The following PRELID2 variants were observed in gnomAD, a reference collection of about 807,000 sequenced individuals.
PRELID2 encodes PRELI domain-containing protein 2.
Under a neutral mutation model 28.4 loss-of-function variants are expected in PRELID2, and 25 were observed. That is an observed-to-expected ratio of 0.88 (90% CI 0.64 to 1.23). PRELID2 has a LOEUF of 1.23. PRELID2 is among the 50% of genes most tolerant of loss of function. PRELID2 has a pLI of 0.00. For synonymous variants in PRELID2, 76 were observed against 71.6 expected (o/e 1.06, Z -0.31); for missense variants, 201 against 214.4 (o/e 0.94, Z 0.39).
At chr5:145,596,572 T>G (rs1477281358) in intron 1 of PRELID2, among the ~76,000 whole-genome samples, 1 of 152,158 alleles carries the variant, frequency 6.6e-6, no homozygotes, top group African/African-American at 2.4e-5. Flanking sequence ...CATCAAACTC[T>G]AAGACCAAGC....
intron 1 of PRELID2, among the ~76,000 whole-genome samples, chr5:145,726,215 A>AG: frequency 8.2e-6 from 1 of 121,222 alleles, no homozygotes; most frequent in African/African-American, 3.5e-5. Flanking sequence ...GAAAGAGAGA[A>AG]GAAAGGAAGG....
intron 1 of PRELID2, among the ~76,000 whole-genome samples, chr5:145,687,830 C>A (rs1432400778): frequency 2.6e-5 from 4 of 152,174 alleles, no homozygotes; most frequent in Non-Finnish European, 4.4e-5. Flanking sequence ...TCAATTACCT[C>A]ATTTAAATAA....
intron 1 of PRELID2, among the ~76,000 whole-genome samples, chr5:145,662,222 A>G (rs1449648795): frequency 6.6e-6 from 1 of 152,108 alleles, no homozygotes; most frequent in African/African-American, 2.4e-5. Context: ...GTTCTTTGGC[A>G]ACAAGTAAAG....
At chr5:145,301,196 A>G in the PRELID2 span, among the ~76,000 whole-genome samples, 1 of 152,058 alleles carries the variant, frequency 6.6e-6, no homozygotes, top group South Asian at 2.1e-4. Flanking sequence ...CCTGACTATA[A>G]AATTGTGTAA....
At chr5:145,415,388 C>T in the PRELID2 span, among the ~76,000 whole-genome samples, 1 of 151,362 alleles carries the variant, frequency 6.6e-6, no homozygotes, top group Non-Finnish European at 1.5e-5. Flanking sequence ...CCCATTAACC[C>T]ATCATTTAGC....
intron 5 of PRELID2, among the ~76,000 whole-genome samples, chr5:145,767,654 C>T (rs370782636): frequency 1.3e-5 from 2 of 152,296 alleles, no homozygotes; most frequent in African/African-American, 4.8e-5. Context: ...CTGGCATCTG[C>T]ATCTGCTCAC....
chr5:145,750,389 C>T (rs1468045120), intron 1 of PRELID2, among the ~76,000 whole-genome samples: 1 of 152,004 alleles, frequency 6.6e-6, no homozygotes, highest in African/African-American at 2.4e-5. Context: ...AGCTAGTACA[C>T]AGCACTTCCA....
chr5:145,375,777 T>C, the PRELID2 span, among the ~76,000 whole-genome samples: 1 of 152,206 alleles, frequency 6.6e-6, no homozygotes, highest in Admixed American at 6.5e-5. Context: ...GCTGGTTTGG[T>C]GGGCTGTTGG....
At chr5:145,613,751 G>A (rs1753656388) in intron 1 of PRELID2, among the ~76,000 whole-genome samples, 1 of 152,010 alleles carries the variant, frequency 6.6e-6, no homozygotes, top group Non-Finnish European at 1.5e-5. Context: ...ATATTATAAA[G>A]ATTTTCTCCC....
At chr5:145,628,570 C>A (rs976842478) in intron 1 of PRELID2, among the ~76,000 whole-genome samples, 7 of 152,152 alleles carry the variant, frequency 4.6e-5, no homozygotes, top group African/African-American at 1.7e-4. Flanking sequence ...GCGATCCACC[C>A]ATCTCAGCCT....
intron 1 of PRELID2, among the ~76,000 whole-genome samples, chr5:145,543,143 T>C (rs958223742): frequency 6.6e-6 from 1 of 152,126 alleles, no homozygotes; most frequent in Non-Finnish European, 1.5e-5. Flanking sequence ...ACAACATGTA[T>C]CCCATTTGAA....
the PRELID2 span, among the ~76,000 whole-genome samples, chr5:145,282,396 G>A: frequency 2.6e-5 from 4 of 152,102 alleles, no homozygotes; most frequent in Non-Finnish European, 5.9e-5. Context: ...TTATTATCAA[G>A]TGTGAAATAT....
At chr5:145,327,312 ATATT>A in the PRELID2 span, among the ~76,000 whole-genome samples, 499 of 152,152 alleles carry the variant, frequency 3.3e-3, 23 homozygotes, top group East Asian at 0.079. Flanking sequence ...TGTTGAGTGC[ATATT>A]TATTTATAAT....
the PRELID2 span, among the ~76,000 whole-genome samples, chr5:145,282,301 TC>T: frequency 1.3e-5 from 2 of 152,202 alleles, no homozygotes; most frequent in African/African-American, 4.8e-5. Context: ...ACTGTATTTA[TC>T]ATTATTGTGC....
chr5:145,674,461 T>C (rs1754774042), intron 1 of PRELID2, among the ~76,000 whole-genome samples: 2 of 152,178 alleles, frequency 1.3e-5, no homozygotes, highest in Admixed American at 6.6e-5. Context: ...AAATTTAGCA[T>C]TTAATAACTG....
chr5:145,503,465 C>G (rs988905209), intron 1 of PRELID2, among the ~76,000 whole-genome samples: 2 of 152,106 alleles, frequency 1.3e-5, no homozygotes, highest in African/African-American at 4.8e-5. Context: ...AATACGAGCT[C>G]ACATTTATTA....
chr5:145,336,658 C>T, the PRELID2 span, among the ~76,000 whole-genome samples: 1 of 152,050 alleles, frequency 6.6e-6, no homozygotes, highest in Non-Finnish European at 1.5e-5. Context: ...AAGACACATG[C>T]ACACGTATGT....
chr5:145,258,295 A>C, the PRELID2 span, among the ~76,000 whole-genome samples: 1 of 152,222 alleles, frequency 6.6e-6, no homozygotes, highest in Admixed American at 6.5e-5. Flanking sequence ...GGAACTGGGT[A>C]ACAGGCAGAG....
intron 1 of PRELID2, among the ~76,000 whole-genome samples, chr5:145,651,856 T>C (rs1014590398): frequency 1.4e-4 from 21 of 152,106 alleles, no homozygotes; most frequent in Admixed American, 2.6e-4. Context: ...CCTCTCCCCA[T>C]CCAAAGGAAC....
Sources: gnomAD v4.1 joint callset for allele counts (sites outside exome capture counted in the v4.1 genomes callset) on GRCh38, gnomAD v4.1.1 for gene constraint, MANE v1.5 for transcripts, NCBI Gene and HGNC (gene_info 2026-07-23, HGNC 2026-07-21) for gene names.